CNOT4: variants seen among roughly 807,000 people sequenced by gnomAD.
The protein encoded by CNOT4 is CCR4-NOT transcription complex subunit 4.
CNOT4 carries 8 observed loss-of-function variants against 73.8 expected under a neutral mutation model. That is an observed-to-expected ratio of 0.11 (90% confidence interval 0.06 to 0.20). The LOEUF (loss-of-function observed/expected upper bound fraction) is 0.20. CNOT4 is among the 10% of genes least tolerant of loss of function. CNOT4 has a pLI of 1.00. For missense variants in CNOT4, 564 were observed against 883.4 expected, an observed-to-expected ratio of 0.64 and a Z score of 4.58; for synonymous variants, 293 against 321.1, an observed-to-expected ratio of 0.91 and a Z score of 0.94.
At chr7:135,432,455 C>G (rs1056570724) in intron 2 of CNOT4, among the ~76,000 whole-genome samples, 1 of 152,184 alleles carries the variant, frequency 6.6e-6, no homozygotes, top group Non-Finnish European at 1.5e-5. Flanking sequence ...CATCAAATCT[C>G]TTCAAACTGG....
intron 3 of CNOT4, among the ~76,000 whole-genome samples, chr7:135,421,495 G>C (rs536570965): frequency 6.6e-6 from 1 of 152,212 alleles, no homozygotes; most frequent in African/African-American, 2.4e-5. Context: ...ATATCCAAGG[G>C]CCTCAAGGAA....
Position 135,394,185 on chromosome 7 carries a change from G to A in CNOT4, c.1360C>T (p.Leu454=). The change falls in exon 10 of 12, where the codon CTG becomes TTG. Residue 454 remains leucine (L), a synonymous_variant. Transcript: ENST00000541284. ...GCATTTGTAGCTGCAGCAGGATGCA[G>A]GAATCCAGAGCCTGGACCTTTGGCG... ...TTAKGPGSGF[L]HPAAATNANS... is the part of the protein sequence containing the mutation. 1 of 1,614,220 alleles carries A rather than the reference G, an allele frequency of 6.2e-7. No individual in the cohort carries two copies. Among genetic ancestry groups the A allele is most frequent in the Non-Finnish European group, 8.5e-7 (1 of 1,180,020 alleles).
intron 1 of CNOT4, among the ~76,000 whole-genome samples, chr7:135,464,334 AT>A (rs1171487093): frequency 6.6e-6 from 1 of 152,232 alleles, no homozygotes; most frequent in Non-Finnish European, 1.5e-5. Context: ...CATATACACC[AT>A]GGAATACTAT....
At chr7:135,383,177 C>G (rs900869393) in intron 10 of CNOT4, among the ~76,000 whole-genome samples, 1 of 152,172 alleles carries the variant, frequency 6.6e-6, no homozygotes, top group African/African-American at 2.4e-5. Context: ...CCTAATCCAA[C>G]TATGTAAGAG....
intron 2 of CNOT4, among the ~76,000 whole-genome samples, chr7:135,424,711 C>G (rs375345914): frequency 6.6e-6 from 1 of 152,082 alleles, no homozygotes; most frequent in East Asian, 1.9e-4. Context: ...ACTGCTTGAA[C>G]CTGGGAGGCA....
chr7:135,505,227 A>T (rs1804284394), intron 1 of CNOT4, among the ~76,000 whole-genome samples: 1 of 151,900 alleles, frequency 6.6e-6, no homozygotes, highest in Admixed American at 6.6e-5. Flanking sequence ...AAACAGGACA[A>T]CTCTCCTGTA....
chr7:135,448,083 G>C (rs1046637721), intron 1 of CNOT4, among the ~76,000 whole-genome samples: 2 of 152,058 alleles, frequency 1.3e-5, no homozygotes, highest in African/African-American at 4.8e-5. Flanking sequence ...CACTGCAAGG[G>C]GGGAAACAGA....
At chr7:135,377,090 G>T (rs1165686221) in intron 10 of CNOT4, among the ~76,000 whole-genome samples, 1 of 152,120 alleles carries the variant, frequency 6.6e-6, no homozygotes, top group African/African-American at 2.4e-5. Context: ...AAGGTTTTCA[G>T]ATTGTTTTTA....
chr7:135,452,107 AGCACACCTGTAGTGCCAGCTACTGCGGAG>A (rs566214970), intron 1 of CNOT4, among the ~76,000 whole-genome samples: 1 of 151,706 alleles, frequency 6.6e-6, no homozygotes, highest in East Asian at 2.0e-4. Flanking sequence ...GGCATGGAGG[AGCACACCTGTAGTGCCAGCTACTGCGGAG>A]GCTGAGGCAG....
chr7:135,484,539 T>C (rs923938667), intron 1 of CNOT4, among the ~76,000 whole-genome samples: 20 of 152,234 alleles, frequency 1.3e-4, no homozygotes, highest in Non-Finnish European at 2.6e-4. Context: ...GCAGATCACT[T>C]GAGACCAGGA....
chr7:135,394,080 A>G lies in CNOT4; in HGVS notation c.1465T>C (p.Phe489Leu), dbSNP rs1390667769. ...CGGGCTGCCTGGCCTGGAAAACTGAATGAATTATAAACCGCTCGGTGCTGC... is the reference window on the plus strand; with the variant it reads ...CGGGCTGCCTGGCCTGGAAAACTGAGTGAATTATAAACCGCTCGGTGCTGC... ...FQQHRAVYNSFSFPGQAARYP... is the reference protein window; with the variant it reads ...FQQHRAVYNSLSFPGQAARYP... Residue 489 changes from phenylalanine (F) to leucine (L), a missense_variant, in exon 10 of 12, where the codon TTC becomes CTC. By Grantham distance (22) the Phe-to-Leu change is conservative (BLOSUM62 0). This residue lies in a region of CNOT4 where 153 missense variants were observed against 158.7 expected (regional missense o/e 0.96). Coordinates refer to ENST00000541284, the MANE Select transcript of CNOT4 (RefSeq NM_001190850.2). 6.2e-7 allele frequency: 1 copy of G among 1,614,056 alleles called. No homozygotes were observed. The highest frequency in any genetic ancestry group is 8.5e-7 in the Non-Finnish European group (1 of 1,180,034).
chr7:135,387,800 C>A, intron 10 of CNOT4: 1 of 979,446 alleles, frequency 1.0e-6, no homozygotes, highest in Non-Finnish European at 1.2e-6. Flanking sequence ...TAAAGTACTC[C>A]ACTATTCTCT....
chr7:135,423,830 T>A (rs1798327374), intron 2 of CNOT4, among the ~76,000 whole-genome samples: 1 of 152,138 alleles, frequency 6.6e-6, no homozygotes, highest in African/African-American at 2.4e-5. Flanking sequence ...CTCCAACTTA[T>A]TTGTGAGTGG....
chr7:135,424,048 C>A (rs113097527), intron 2 of CNOT4, among the ~76,000 whole-genome samples: 1 of 24,652 alleles, frequency 4.1e-5, no homozygotes. Flanking sequence ...AAAACACACA[C>A]ACACACACAC....
At chr7:135,463,188 G>A (rs1020939380) in intron 1 of CNOT4, among the ~76,000 whole-genome samples, 1 of 152,040 alleles carries the variant, frequency 6.6e-6, no homozygotes, top group African/African-American at 2.4e-5. Flanking sequence ...CTTATACCAT[G>A]CACAAAAACT....
intron 10 of CNOT4, among the ~76,000 whole-genome samples, chr7:135,379,373 G>C (rs570625689): frequency 2.3e-4 from 35 of 152,132 alleles, no homozygotes; most frequent in Non-Finnish European, 3.5e-4. Context: ...TCAACACTGG[G>C]CAGACTAGAA....
intron 9 of CNOT4, among the ~76,000 whole-genome samples, chr7:135,394,921 T>C (rs1403395587): frequency 6.6e-6 from 1 of 152,198 alleles, no homozygotes; most frequent in African/African-American, 2.4e-5. Context: ...GTTACTTTTA[T>C]GCCACCTTTC....
chr7:135,388,112 C>T, intron 10 of CNOT4: 1 of 984,880 alleles, frequency 1.0e-6, no homozygotes, highest in Non-Finnish European at 1.2e-6. Flanking sequence ...CTAGGCAGTG[C>T]ATTAGAAAAG....
chr7:135,373,896 A>G (rs1179271221), intron 10 of CNOT4, among the ~76,000 whole-genome samples: 1 of 152,192 alleles, frequency 6.6e-6, no homozygotes, highest in Non-Finnish European at 1.5e-5. Flanking sequence ...TTAGTTCTTG[A>G]GAAATTTCTA....
Sources: allele counts gnomAD v4.1 joint callset (sites outside exome capture counted in the v4.1 genomes callset), GRCh38; gene constraint gnomAD v4.1.1; regional missense constraint gnomAD v4.1.1; transcripts MANE v1.5; gene names NCBI Gene and HGNC (gene_info 2026-07-23, HGNC 2026-07-21).